The following FOCAD variants were observed in gnomAD, a reference collection of about 807,000 sequenced individuals.
FOCAD encodes KIAA1797.
In FOCAD, 198 loss-of-function variants were observed where a neutral mutation model predicts 225.6. The observed-to-expected ratio is 0.88, with a 90% CI of 0.78 to 0.99. The LOEUF is 0.99. Ranked by LOEUF, FOCAD falls within the 50% of genes least tolerant of loss-of-function variation. The probability of loss-of-function intolerance (pLI) is 0.00; values close to 1 mark genes in which losing one functional copy is unlikely to be tolerated. For missense variants in FOCAD, 2,713 were observed against 2,123.6 expected, an observed-to-expected ratio of 1.28 and a Z score of -5.46; for synonymous variants, 897 against 755.0, an observed-to-expected ratio of 1.19 and a Z score of -3.08.
chr9:20,978,492 A>T lies in FOCAD; in HGVS notation c.4377+38A>T, dbSNP rs760044509. On this transcript the variant is annotated intron_variant, in intron 37 of 43. Transcript: ENST00000338382. ...TAAGGGTGTTGGCCAACAGGAGGAT[A>T]TTGTTCTTTAGGAGGATATTAACAT... 9.4e-6 allele frequency: 13 copies of T among 1,377,216 alleles called. No homozygotes were observed. The East Asian group carries it at 3.1e-4, about 33-fold the overall frequency. 85.3% of individuals were successfully genotyped at this position (1,377,216 alleles called of 1,614,324 possible).
chr9:20,816,870 A>G (rs1446745450), intron 11 of FOCAD, among the ~76,000 whole-genome samples: 1 of 152,172 alleles, frequency 6.6e-6, no homozygotes, highest in East Asian at 1.9e-4. Flanking sequence ...TAGCATTTAC[A>G]TTGTTTTAGG....
At chr9:20,988,272 TC>T in intron 40 of FOCAD, 59 bp from the exon 41 acceptor site, 1 of 1,021,792 alleles carries the variant, frequency 9.8e-7, no homozygotes, top group Non-Finnish European at 1.5e-6. Flanking sequence ...TTGTTACTGA[TC>T]TGTTTTACAT....
intron 1 of FOCAD, among the ~76,000 whole-genome samples, chr9:20,688,331 G>A (rs1822784581): frequency 6.6e-6 from 1 of 152,198 alleles, no homozygotes; most frequent in Non-Finnish European, 1.5e-5. Flanking sequence ...AGGTGATTGA[G>A]TTAGTGGCCA....
At chr9:20,754,785 C>G (rs1828897030) in intron 5 of FOCAD, among the ~76,000 whole-genome samples, 1 of 152,078 alleles carries the variant, frequency 6.6e-6, no homozygotes. Context: ...CATAGGACAA[C>G]CCACACAATA....
chr9:20,698,091 GT>G (rs1823524856), intron 1 of FOCAD, among the ~76,000 whole-genome samples: 1 of 152,204 alleles, frequency 6.6e-6, no homozygotes, highest in African/African-American at 2.4e-5. Flanking sequence ...ATGGTTTCAA[GT>G]GAATAAATAA....
At chr9:20,965,627 T>C (rs1839190194) in intron 35 of FOCAD, among the ~76,000 whole-genome samples, 1 of 152,208 alleles carries the variant, frequency 6.6e-6, no homozygotes. Context: ...ATCACGACTA[T>C]TTCCAGAATG....
intron 15 of FOCAD, among the ~76,000 whole-genome samples, chr9:20,830,808 C>G (rs893214441): frequency 6.6e-6 from 1 of 151,958 alleles, no homozygotes; most frequent in African/African-American, 2.4e-5. Flanking sequence ...TCCTGAGTAG[C>G]TGGGACTACA....
chr9:20,944,386 T>G (rs1331152096), intron 28 of FOCAD, among the ~76,000 whole-genome samples: 2 of 152,142 alleles, frequency 1.3e-5, no homozygotes, highest in Admixed American at 1.3e-4. Flanking sequence ...TTTGTTTTTA[T>G]CTAGGGGGTG....
Position 20,866,917 on chromosome 9 carries a change from T to TTTTTAAACAAAAA in FOCAD, c.2107-12_2107-11insTTTTAAACAAAAA. On this transcript the variant is annotated splice_polypyrimidine_tract_variant and intron_variant, in intron 17 of 43. Coordinates refer to ENST00000338382, the MANE Select transcript of FOCAD (RefSeq NM_001375567.1). ...TTTTTTTTTTTTTTTTTTTTTTTTT[T>TTTTTAAACAAAAA]ACCCTATCTAGGACCCAATTGTAGC... 1 of 764,972 alleles carries TTTTTAAACAAAAA rather than the reference T, an allele frequency of 1.3e-6. No individual in the cohort carries two copies. The highest frequency in any genetic ancestry group is 2.0e-6 in the Non-Finnish European group (1 of 498,468). 47.4% of individuals were successfully genotyped at this position (764,972 alleles called of 1,614,324 possible). A position where few individuals can be genotyped will look rare whatever the true frequency, so the allele number is the denominator to read the frequency against.
chr9:20,745,456 T>C (rs1827971210), intron 5 of FOCAD, among the ~76,000 whole-genome samples: 1 of 152,196 alleles, frequency 6.6e-6, no homozygotes, highest in Non-Finnish European at 1.5e-5. Flanking sequence ...CGCTAGTGTT[T>C]TGGTTGCAGG....
intron 21 of FOCAD, among the ~76,000 whole-genome samples, chr9:20,897,643 T>C (rs568862571): frequency 6.6e-6 from 1 of 151,958 alleles, no homozygotes; most frequent in Admixed American, 6.6e-5. Flanking sequence ...AAATACTTTA[T>C]AATAACAAAT....
intron 7 of FOCAD, 100 bp from the exon 8 acceptor site, chr9:20,769,932 T>C (rs1290478399): frequency 1.9e-6 from 2 of 1,080,448 alleles, no homozygotes; most frequent in African/African-American, 3.2e-5. Context: ...TCTTTATAGG[T>C]TTAGAGAAAA....
chr9:20,855,712 AC>A (rs1564076002), intron 15 of FOCAD, among the ~76,000 whole-genome samples: 2 of 150,430 alleles, frequency 1.3e-5, no homozygotes, highest in Non-Finnish European at 1.5e-5. Context: ...GTATTTTTGT[AC>A]CCATTAATCA....
intron 1 of FOCAD, among the ~76,000 whole-genome samples, chr9:20,695,467 G>C (rs1382850358): frequency 2.0e-5 from 3 of 152,068 alleles, no homozygotes; most frequent in Non-Finnish European, 2.9e-5. Flanking sequence ...CCGTAAACAT[G>C]CTTTCATTTT....
intron 9 of FOCAD, among the ~76,000 whole-genome samples, chr9:20,779,875 C>A (rs1035429034): frequency 6.6e-6 from 1 of 152,080 alleles, no homozygotes; most frequent in African/African-American, 2.4e-5. Context: ...ATGGCTTTAG[C>A]ACATGGAGGG....
intron 6 of FOCAD, among the ~76,000 whole-genome samples, chr9:20,761,289 T>G (rs1224851235): frequency 6.6e-6 from 1 of 152,232 alleles, no homozygotes; most frequent in East Asian, 1.9e-4. Flanking sequence ...GATTTTAGGC[T>G]GGGTTACTTT....
At chr9:20,766,696 C>G (rs1457780364) in intron 7 of FOCAD, among the ~76,000 whole-genome samples, 2 of 151,802 alleles carry the variant, frequency 1.3e-5, no homozygotes, top group Non-Finnish European at 2.9e-5. Flanking sequence ...CTTTCTTAAT[C>G]TCTCCATTGC....
chr9:20,814,316 G>C (rs1311751616), intron 11 of FOCAD, among the ~76,000 whole-genome samples: 1 of 150,926 alleles, frequency 6.6e-6, no homozygotes, highest in East Asian at 1.9e-4. Flanking sequence ...ATTTGATAGT[G>C]ACACTTTGAT....
intron 2 of FOCAD, among the ~76,000 whole-genome samples, chr9:20,669,134 A>G (rs1008514070): frequency 6.6e-6 from 1 of 152,142 alleles, no homozygotes; most frequent in Non-Finnish European, 1.5e-5. Flanking sequence ...CAAGGACCAT[A>G]GCTGGTCTTT....
Sources: allele counts gnomAD v4.1 joint callset (sites outside exome capture counted in the v4.1 genomes callset), GRCh38; gene constraint gnomAD v4.1.1; transcripts MANE v1.5; gene names NCBI Gene and HGNC (gene_info 2026-07-23, HGNC 2026-07-21).